The following CALN1 variants were observed in gnomAD, a reference collection of about 807,000 sequenced individuals.
The protein encoded by CALN1 is calcium-binding protein 8.
CALN1 carries 17 observed loss-of-function variants against 30.6 expected under a neutral mutation model. The ratio of observed to expected loss-of-function variants is 0.56; its 90% confidence interval spans 0.38 to 0.83. The LOEUF (loss-of-function observed/expected upper bound fraction) is 0.83, where lower values mean the gene tolerates loss of function less well. Among genes scored for constraint, CALN1 ranks in the 40% least tolerant of loss-of-function variants. The pLI is 0.00. For missense variants in CALN1, 291 were observed against 354.9 expected, an observed-to-expected ratio of 0.82 and a Z score of 1.45; for synonymous variants, 156 against 131.4, an observed-to-expected ratio of 1.19 and a Z score of -1.28.
chr7:72,132,609 C>T (rs952398195), intron 3 of CALN1, among the ~76,000 whole-genome samples: 5 of 152,090 alleles, frequency 3.3e-5, no homozygotes, highest in South Asian at 2.1e-4. Context: ...TGTTTCTCGC[C>T]GGCAGCTGCA....
rs377327584 is a variant in CALN1, at chr7:72,385,714, T to C, written c.119+17537A>G. Among the ~76,000 whole-genome samples the C allele has an allele frequency of 4.6e-5, 7 of 152,230 alleles. No individual in the cohort carries two copies. The East Asian group carries it at 7.7e-4, about 17-fold the overall frequency. ...GGGGTGGTTTCCCCCCTGCTGTTCT[T>C]GTGATAGTGACTGAGTTCTCATGAG... On this transcript the variant is annotated intron_variant, in intron 2 of 6. Transcript: ENST00000395275.
intron 1 of CALN1, among the ~76,000 whole-genome samples, chr7:72,429,824 T>C (rs1482282018): frequency 2.0e-5 from 3 of 150,640 alleles, no homozygotes; most frequent in Non-Finnish European, 4.4e-5. Flanking sequence ...TGTGTGTGTC[T>C]ATATATATAT....
chr7:71,916,193 G>A (rs1584504737), intron 5 of CALN1, among the ~76,000 whole-genome samples: 1 of 137,082 alleles, frequency 7.3e-6, no homozygotes, highest in Middle Eastern at 3.5e-3. Flanking sequence ...TAGGATAGTA[G>A]TATAAGAAAG....
At chr7:72,501,928 A>AAAAAAATAT in the CALN1 span, among the ~76,000 whole-genome samples, 2 of 57,968 alleles carry the variant, frequency 3.5e-5, 1 homozygote, top group South Asian at 1.0e-3. Flanking sequence ...AAAAAAAAAA[A>AAAAAAATAT]ATATATATAT....
intron 2 of CALN1, among the ~76,000 whole-genome samples, chr7:72,321,446 A>G (rs561729512): frequency 6.6e-6 from 1 of 152,322 alleles, no homozygotes; most frequent in Admixed American, 6.5e-5. Context: ...AACACCAAGA[A>G]ATCTATAGGT....
At chr7:72,397,148 C>T (rs1806017254) in intron 2 of CALN1, among the ~76,000 whole-genome samples, 1 of 152,070 alleles carries the variant, frequency 6.6e-6, no homozygotes, top group African/African-American at 2.4e-5. Context: ...TGGCCTCAAG[C>T]AATCCTCCTG....
At chr7:72,054,478 T>C (rs1230370507) in intron 4 of CALN1, among the ~76,000 whole-genome samples, 1 of 43,894 alleles carries the variant, frequency 2.3e-5, no homozygotes, top group South Asian at 2.2e-3. Context: ...CATATATACA[T>C]ACATATATAT....
chr7:72,295,236 TTTAAA>T (rs1446527647), intron 2 of CALN1, among the ~76,000 whole-genome samples: 1 of 152,200 alleles, frequency 6.6e-6, no homozygotes, highest in Non-Finnish European at 1.5e-5. Context: ...TAGGTCAATG[TTTAAA>T]TTAAAGTTAT....
chr7:72,330,664 T>C (rs1801612640), intron 2 of CALN1, among the ~76,000 whole-genome samples: 1 of 152,202 alleles, frequency 6.6e-6, no homozygotes, highest in African/African-American at 2.4e-5. Context: ...AGATGCTCAA[T>C]ACATTCTGGT....
At chr7:72,213,028 C>T (rs1585179913) in intron 3 of CALN1, among the ~76,000 whole-genome samples, 1 of 152,266 alleles carries the variant, frequency 6.6e-6, no homozygotes, top group Non-Finnish European at 1.5e-5. Flanking sequence ...GTGGGCTCTG[C>T]CCTCATTTCA....
intron 4 of CALN1, among the ~76,000 whole-genome samples, chr7:72,053,003 G>A (rs1802937593): frequency 6.6e-6 from 1 of 152,222 alleles, no homozygotes; most frequent in Non-Finnish European, 1.5e-5. Context: ...GCCAAGGAGG[G>A]AGGATCACCT....
intron 3 of CALN1, among the ~76,000 whole-genome samples, chr7:72,267,841 T>A (rs1405102829): frequency 6.6e-6 from 1 of 152,104 alleles, no homozygotes; most frequent in Non-Finnish European, 1.5e-5. Context: ...ACCTCGTCTT[T>A]GCTAAAAATT....
At chr7:72,247,378 G>A (rs569876669) in intron 3 of CALN1, among the ~76,000 whole-genome samples, 7 of 151,234 alleles carry the variant, frequency 4.6e-5, no homozygotes, top group South Asian at 2.1e-4. Context: ...CTCCAGAATA[G>A]CTGGGACTAC....
intron 4 of CALN1, among the ~76,000 whole-genome samples, chr7:72,102,127 C>T (rs1265491686): frequency 6.6e-6 from 1 of 152,064 alleles, no homozygotes; most frequent in South Asian, 2.1e-4. Context: ...CCTCCTGTGC[C>T]CAGTCCATTT....
At chr7:71,995,824 T>G (rs1162705001) in intron 5 of CALN1, among the ~76,000 whole-genome samples, 1 of 151,496 alleles carries the variant, frequency 6.6e-6, no homozygotes, top group East Asian at 2.0e-4. Context: ...GCCCAGAGAT[T>G]GGAGGCAACA....
intron 5 of CALN1, among the ~76,000 whole-genome samples, chr7:71,905,147 C>T (rs10215454): frequency 0.16 from 24,875 of 152,048 alleles, 2,602 homozygotes; most frequent in Non-Finnish European, 0.23. Context: ...ACATGTTGGC[C>T]GGGCTGGTCT....
At chr7:72,145,376 A>C (rs1302320255) in intron 3 of CALN1, among the ~76,000 whole-genome samples, 1 of 152,234 alleles carries the variant, frequency 6.6e-6, no homozygotes, top group East Asian at 1.9e-4. Context: ...TCTAGAAGAA[A>C]TCGATAAATT....
chr7:72,368,939 C>T (rs968758365), intron 2 of CALN1, among the ~76,000 whole-genome samples: 1 of 151,316 alleles, frequency 6.6e-6, no homozygotes, highest in Admixed American at 6.6e-5. Context: ...CTCAGCCTCC[C>T]AAGTAGCTGG....
chr7:71,994,934 G>A (rs1562963379), intron 5 of CALN1, among the ~76,000 whole-genome samples: 4 of 151,184 alleles, frequency 2.6e-5, no homozygotes, highest in African/African-American at 7.3e-5. Flanking sequence ...CTCACTGCAG[G>A]CTCCGCCTCC....
Sources: gnomAD v4.1 joint callset for allele counts (sites outside exome capture counted in the v4.1 genomes callset) on GRCh38, gnomAD v4.1.1 for gene constraint, MANE v1.5 for transcripts, NCBI Gene and HGNC (gene_info 2026-07-23, HGNC 2026-07-21) for gene names.